The following MGA variants were observed in gnomAD, a reference collection of about 807,000 sequenced individuals.
MGA encodes the protein MAX gene-associated protein.
Under a neutral mutation model 261.1 loss-of-function variants are expected in MGA, and 40 were observed. The ratio of observed to expected loss-of-function variants is 0.15; its 90% CI spans 0.12 to 0.20. MGA has a LOEUF of 0.20. MGA is among the 10% of genes least tolerant of loss of function. The probability of loss-of-function intolerance (pLI) is 1.00; values close to 1 mark genes in which losing one functional copy is unlikely to be tolerated. For synonymous variants in MGA, 1,302 were observed against 1,290.6 expected (o/e 1.01, Z -0.19); for missense variants, 3,397 against 3,630.5 (o/e 0.94, Z 1.65).
chr15:41,739,700 G>A lies in MGA; in HGVS notation c.4435-353G>A, dbSNP rs1486651494. Among the ~76,000 whole-genome samples the A allele has an allele frequency of 2.0e-5, 3 of 152,332 alleles. No homozygotes were observed. In the East Asian group the frequency reaches 5.8e-4, roughly 29 times the overall value. The stretch of plus-strand genomic sequence containing the variant: ...TTTCAAACTACAATATGAAGGAGAT[G>A]AGATTAGTTCAGAATATCAGTTGAC... On this transcript the variant is annotated intron_variant, in intron 13 of 23. Coordinates refer to ENST00000219905, the MANE Select transcript of MGA (RefSeq NM_001164273.2).
chr15:41,724,669 A>T (rs1350990647), intron 9 of MGA, among the ~76,000 whole-genome samples: 1 of 152,178 alleles, frequency 6.6e-6, no homozygotes, highest in Non-Finnish European at 1.5e-5. Flanking sequence ...TGGGTGACAG[A>T]GTCTCAAATT....
rs775243810 is a variant in MGA, at chr15:41,762,322, G to A, written c.7704G>A (p.Gly2568=). ...AGATGTTTATAAATAACAGGAGGGG[G>A]AAACCTTTGATTCTTTCCAGAAAAA... Residue 2568 remains glycine (G), a synonymous_variant, in exon 22 of 24, where the codon GGG becomes GGA. Coordinates refer to ENST00000219905, the MANE Select transcript of MGA (RefSeq NM_001164273.2). The A allele has an allele frequency of 4.3e-6, 7 of 1,613,766 alleles. No homozygotes were observed. Among genetic ancestry groups the A allele is most frequent in the Non-Finnish European group, 5.9e-6 (7 of 1,179,844 alleles).
chr15:41,718,977 T>C (rs977159102), intron 9 of MGA, among the ~76,000 whole-genome samples: 46 of 152,132 alleles, frequency 3.0e-4, no homozygotes, highest in African/African-American at 1.1e-3. Context: ...AAATTGGCTT[T>C]ATTCATGGAT....
At chr15:41,682,650 T>G (rs1025319772) in intron 2 of MGA, among the ~76,000 whole-genome samples, 1 of 151,712 alleles carries the variant, frequency 6.6e-6, no homozygotes, top group Non-Finnish European at 1.5e-5. Context: ...CCGGCTAATT[T>G]TTGTGGTTTT....
At chr15:41,675,531 G>A (rs985869406) in intron 2 of MGA, among the ~76,000 whole-genome samples, 4 of 151,810 alleles carry the variant, frequency 2.6e-5, no homozygotes, top group Non-Finnish European at 5.9e-5. Flanking sequence ...GCACCACCAC[G>A]CCCAGTTAAT....
intron 1 of MGA, among the ~76,000 whole-genome samples, chr15:41,643,967 T>A (rs1478682063): frequency 1.3e-5 from 2 of 152,172 alleles, no homozygotes; most frequent in Non-Finnish European, 2.9e-5. Context: ...TACTTTTAGA[T>A]CTTTGATCTG....
At chr15:41,638,834 G>A (rs531983750) in intron 1 of MGA, among the ~76,000 whole-genome samples, 5 of 151,850 alleles carry the variant, frequency 3.3e-5, no homozygotes, top group African/African-American at 9.7e-5. Context: ...GAGACTACAG[G>A]CGCGTGCCAC....
intron 9 of MGA, among the ~76,000 whole-genome samples, chr15:41,720,706 G>A (rs903740114): frequency 1.3e-5 from 2 of 152,030 alleles, no homozygotes; most frequent in African/African-American, 4.8e-5. Context: ...GGTGGTGTGC[G>A]CCTGTAATCC....
At position 41,632,990 on chromosome 15, in the gene MGA, C is replaced by T. The variant is rs146017251; in HGVS notation, c.-68+11692C>T. Among the ~76,000 whole-genome samples, 167 of 149,044 alleles carry T rather than the reference C, an allele frequency of 1.1e-3. 1 individual carries two copies. In the East Asian group the frequency reaches 0.03, roughly 27 times the overall value. ...TTTTTGAGACGGAGTCTCGCTCTGT[C>T]GCCCAGGCTGGAGTGCAATGACATG... On this transcript the variant is annotated intron_variant, in intron 1 of 8. Transcript: ENST00000566718.
intron 23 of MGA, 38 bp from the exon 24 acceptor site, chr15:41,765,966 C>G: frequency 6.5e-7 from 1 of 1,548,624 alleles, no homozygotes; most frequent in Non-Finnish European, 8.8e-7. Context: ...AACACTAGAT[C>G]TAAATGAATT....
rs752897987 is a variant in MGA, at chr15:41,740,083, A to T, written c.4465A>T (p.Arg1489Trp). 1.1e-5 allele frequency: 17 copies of T among 1,613,950 alleles called. No individual in the cohort carries two copies. The South Asian group carries it at 1.8e-4, about 17-fold the overall frequency. ...ATCCAATGCCAAGGTGGCTGCATCC[A>T]GGAAACCACGTACCCTGTTGCCTTC... The change falls in exon 14 of 24, where the codon AGG becomes TGG. Residue 1489 changes from arginine to tryptophan, a missense_variant. Coordinates refer to ENST00000219905, the MANE Select transcript of MGA (RefSeq NM_001164273.2).
chr15:41,742,430 G>T lies in MGA; in HGVS notation c.4586-116G>T, dbSNP rs137855970. On this transcript the variant is annotated intron_variant, in intron 14 of 23. Coordinates refer to ENST00000219905, the MANE Select transcript of MGA (RefSeq NM_001164273.2). ...GAAATTGGCACAAATAATACAGGTAGGTAGTACCTGTAAGAAATTGACCCA... is the reference window on the plus strand; with the variant it reads ...GAAATTGGCACAAATAATACAGGTATGTAGTACCTGTAAGAAATTGACCCA... 135 of 1,161,814 alleles carry T rather than the reference G, an allele frequency of 1.2e-4. No homozygotes were observed. In the African/African-American group the frequency reaches 1.9e-3, roughly 16 times the overall value. The allele number at this position is 1,161,814 out of a possible 1,614,324, so 72.0% of individuals were successfully genotyped here.
intron 1 of MGA, among the ~76,000 whole-genome samples, chr15:41,653,584 T>C (rs1030999420): frequency 1.3e-5 from 2 of 151,720 alleles, no homozygotes; most frequent in Non-Finnish European, 2.9e-5. Flanking sequence ...TGGCGTGGCC[T>C]ATAATCCCAG....
At chr15:41,642,663 T>C (rs28768156) in intron 1 of MGA, among the ~76,000 whole-genome samples, 5,102 of 152,230 alleles carry the variant, frequency 0.034, 141 homozygotes, top group African/African-American at 0.07. Context: ...TTTGTATTTT[T>C]AGTATTGACG....
At chr15:41,628,766 T>C (rs763064980) in intron 1 of MGA, among the ~76,000 whole-genome samples, 1 of 152,220 alleles carries the variant, frequency 6.6e-6, no homozygotes, top group African/African-American at 2.4e-5. Context: ...TTCTAACTGA[T>C]GGTATTCATT....
At chr15:41,663,194 A>G (rs926523610) in intron 1 of MGA, among the ~76,000 whole-genome samples, 16 of 152,274 alleles carry the variant, frequency 1.1e-4, no homozygotes, top group Admixed American at 2.0e-4. Flanking sequence ...AATGTTTTCT[A>G]TGATAGCTTT....
Position 41,743,026 on chromosome 15 carries a change from C to G in MGA, c.5066C>G (p.Pro1689Arg), listed in dbSNP as rs2062205427. The G allele has an allele frequency of 3.1e-6, 5 of 1,613,988 alleles. No homozygotes were observed. Among genetic ancestry groups the G allele is most frequent in the Non-Finnish European group, 4.2e-6 (5 of 1,179,892 alleles). ...GCATCTCCTTCAACCATAACTCTTC[C>G]TGTTGCTTCCACTGCTTCCACCTCC... Residue 1689 changes from proline to arginine, a missense_variant, in exon 15 of 24, where the codon CCT (proline) becomes CGT (arginine). Physicochemically the swap from Pro to Arg is moderately radical, Grantham distance 103. Transcript: ENST00000219905.
rs1204491769 is a variant in MGA, at chr15:41,750,387, T to C, written c.6780T>C (p.Ala2260=). The stretch of plus-strand genomic sequence containing the variant: ...CCTTCTCCATTGTTCCTAGGAGAGC[T>C]GCAAAAAGCAGCAGAGGGAATGGAC... The change falls in exon 17 of 24, where the codon GCT becomes GCC. Residue 2260 remains alanine (A), a synonymous_variant. Coordinates refer to ENST00000219905, the MANE Select transcript of MGA (RefSeq NM_001164273.2). The C allele has an allele frequency of 1.2e-6, 2 of 1,613,902 alleles. No homozygotes were observed. Among genetic ancestry groups the C allele is most frequent in the Non-Finnish European group, 1.7e-6 (2 of 1,179,870 alleles).
rs2059556916 is a variant in MGA, at chr15:41,696,519, A to G, written c.1509A>G (p.Ala503=). 2 of 1,614,030 alleles carry G rather than the reference A, an allele frequency of 1.2e-6. No homozygotes were observed. The highest frequency in any genetic ancestry group is 1.7e-6 in the Non-Finnish European group (2 of 1,179,900). Residue 503 remains alanine, a synonymous_variant, in exon 3 of 24, where the codon GCA becomes GCG. Transcript: ENST00000219905. Reference sequence around the variant, plus strand: ...GAAAGGATAAATCTTCTATGTTGGCAGAATTGGAATATTTGCCTACATACA... The same window carrying G: ...GAAAGGATAAATCTTCTATGTTGGCGGAATTGGAATATTTGCCTACATACA...
Sources: allele counts gnomAD v4.1 joint callset (sites outside exome capture counted in the v4.1 genomes callset), GRCh38; gene constraint gnomAD v4.1.1; transcripts MANE v1.5; gene names NCBI Gene and HGNC (gene_info 2026-07-23, HGNC 2026-07-21).